Variants in EXOC2 observed in about 807,000 individuals in gnomAD.
EXOC2 encodes the protein exocyst complex component 2.
A neutral mutation model predicts 131.8 loss-of-function variants in EXOC2; 70 were observed. The observed-to-expected ratio is 0.53, with a 90% CI of 0.44 to 0.65. The LOEUF is 0.65. Among genes scored for constraint, EXOC2 ranks in the 30% least tolerant of loss-of-function variants. The pLI is 0.00. For missense variants in EXOC2, 923 were observed against 1,108.6 expected (o/e 0.83, Z 2.38); for synonymous variants, 411 against 398.4 (o/e 1.03, Z -0.38).
At chr6:547,459 G>A (rs1442086484) in intron 22 of EXOC2, among the ~76,000 whole-genome samples, 1 of 152,170 alleles carries the variant, frequency 6.6e-6, no homozygotes, top group Admixed American at 6.5e-5. Context: ...AACAGAGAGG[G>A]AATGAATAAG....
chr6:628,558 C>A (rs1210128759), intron 4 of EXOC2, among the ~76,000 whole-genome samples: 20 of 152,132 alleles, frequency 1.3e-4, no homozygotes, highest in Admixed American at 1.3e-3. Flanking sequence ...TCTGAATGAA[C>A]CCTAACTGAT....
At chr6:532,863 C>T (rs1376468663) in intron 22 of EXOC2, among the ~76,000 whole-genome samples, 1 of 152,038 alleles carries the variant, frequency 6.6e-6, no homozygotes. Flanking sequence ...TAAAGAACTG[C>T]CCAAGATTAG....
chr6:573,488 G>A (rs569389857), intron 12 of EXOC2, among the ~76,000 whole-genome samples: 120 of 152,190 alleles, frequency 7.9e-4, no homozygotes, highest in African/African-American at 2.6e-3. Context: ...CAATGACGCC[G>A]CGGATCAGGC....
At chr6:599,825 AAAG>A (rs1262157699) in intron 7 of EXOC2, among the ~76,000 whole-genome samples, 2 of 152,104 alleles carry the variant, frequency 1.3e-5, no homozygotes, top group Non-Finnish European at 2.9e-5. Context: ...TAATCTTATA[AAAG>A]TATACATGAG....
intron 4 of EXOC2, among the ~76,000 whole-genome samples, chr6:626,908 T>A (rs1328068011): frequency 6.6e-6 from 1 of 152,180 alleles, no homozygotes; most frequent in East Asian, 1.9e-4. Context: ...CTTTTTTAAG[T>A]ATGTTTCCAC....
chr6:486,345 T>C lies in EXOC2; in HGVS notation c.*326A>G. 1 of 245,334 alleles carries C rather than the reference T, an allele frequency of 4.1e-6. No homozygotes were observed. The highest frequency in any genetic ancestry group is 7.5e-5 in the South Asian group (1 of 13,304). 15.2% of individuals were successfully genotyped at this position (245,334 alleles called of 1,614,324 possible). A position where few individuals can be genotyped will look rare whatever the true frequency, so the allele number is the denominator to read the frequency against. On this transcript the variant is annotated 3_prime_UTR_variant, in exon 28 of 28. Coordinates refer to ENST00000230449, the MANE Select transcript of EXOC2 (RefSeq NM_018303.6). ...GGACACTGAGAAATGCTTCAATATG[T>C]GCCACGCCATTCCAGAAAACTCCCT...
At chr6:665,633 C>T (rs973749204) in intron 1 of EXOC2, among the ~76,000 whole-genome samples, 9 of 152,068 alleles carry the variant, frequency 5.9e-5, no homozygotes, top group African/African-American at 1.4e-4. Flanking sequence ...TTTGCAGTGA[C>T]GTGGATGAGA....
At chr6:668,882 T>C (rs1763733584) in intron 1 of EXOC2, among the ~76,000 whole-genome samples, 1 of 152,248 alleles carries the variant, frequency 6.6e-6, no homozygotes, top group Non-Finnish European at 1.5e-5. Flanking sequence ...TTTGTTGTTT[T>C]TTTATTGCTG....
At chr6:630,081 A>C in intron 3 of EXOC2, 120 bp from the exon 4 acceptor site, 1 of 1,236,442 alleles carries the variant, frequency 8.1e-7, no homozygotes, top group South Asian at 1.9e-5. Context: ...ATAATCTTTA[A>C]GAGATTTGAG....
intron 7 of EXOC2, among the ~76,000 whole-genome samples, chr6:602,564 C>G (rs2127647297): frequency 6.6e-6 from 1 of 152,338 alleles, no homozygotes; most frequent in Non-Finnish European, 1.5e-5. Flanking sequence ...TGTCCAACCA[C>G]AGAACAAGTC....
chr6:605,543 G>C (rs1401426740), intron 7 of EXOC2, among the ~76,000 whole-genome samples: 1 of 152,136 alleles, frequency 6.6e-6, no homozygotes, highest in Non-Finnish European at 1.5e-5. Flanking sequence ...GGGATCGGTG[G>C]TGATATCCCC....
chr6:525,043 T>G (rs1014862831), intron 23 of EXOC2: 6 of 152,272 alleles, frequency 3.9e-5, no homozygotes, highest in Non-Finnish European at 7.3e-5. Context: ...GGCTCTCCAG[T>G]GCTTCTCACA....
At chr6:511,729 G>T (rs975596067) in intron 23 of EXOC2, among the ~76,000 whole-genome samples, 3 of 152,262 alleles carry the variant, frequency 2.0e-5, no homozygotes, top group Non-Finnish European at 4.4e-5. Flanking sequence ...GAGGCCCACA[G>T]GCTCAGGGCA....
In EXOC2 at chr6:485,585, C is replaced by CAGTTGGGTGGG. The variant is rs1561761066; in HGVS notation, c.*1085_*1086insCCCACCCAACT. On this transcript the variant is annotated 3_prime_UTR_variant, in exon 28 of 28. Coordinates refer to ENST00000230449, the MANE Select transcript of EXOC2 (RefSeq NM_018303.6). ...CGACGGTATGAGGGAGTTGGGTGGG[C>CAGTTGGGTGGG]CGCTGACTCTGAGAGAAGTCCCGGT... is the stretch of plus-strand genomic sequence containing the variant. The CAGTTGGGTGGG allele has an allele frequency of 1.3e-4, 20 of 152,232 alleles. No individual in the cohort carries two copies. Among genetic ancestry groups the CAGTTGGGTGGG allele is most frequent in the Non-Finnish European group, 2.5e-4 (17 of 68,050 alleles). 9.4% of individuals were successfully genotyped at this position (152,232 alleles called of 1,614,324 possible). A position where few individuals can be genotyped will look rare whatever the true frequency, so the allele number is the denominator to read the frequency against.
intron 12 of EXOC2, among the ~76,000 whole-genome samples, chr6:573,995 T>C (rs1466254238): frequency 6.6e-6 from 1 of 152,238 alleles, no homozygotes; most frequent in Non-Finnish European, 1.5e-5. Flanking sequence ...CTTTTGAAGC[T>C]TGGCTTCTTC....
In EXOC2 at chr6:485,208, A is replaced by T. The variant is rs555785396; in HGVS notation, c.*1463T>A. Reference sequence around the variant, plus strand: ...TGCTGTAGTAGATATTTAAAATATCACAAACATTCATGATTGCAGTTTTTA... The same window carrying T: ...TGCTGTAGTAGATATTTAAAATATCTCAAACATTCATGATTGCAGTTTTTA... On this transcript the variant is annotated 3_prime_UTR_variant, in exon 28 of 28. Transcript: ENST00000230449. 2.7e-4 allele frequency: 41 copies of T among 152,382 alleles called. No individual in the cohort carries two copies. The highest frequency in any genetic ancestry group is 9.6e-4 in the African/African-American group (40 of 41,600). The allele number at this position is 152,382 out of a possible 1,614,324, so 9.4% of individuals were successfully genotyped here. A position where few individuals can be genotyped will look rare whatever the true frequency, so the allele number is the denominator to read the frequency against.
rs192257165 is a variant in EXOC2 at position 656,380 on chromosome 6, T to C, written c.-43-18519A>G. ...ACCTCCGTCTCTATACTCAGGGTCA[T>C]CCTGCCACTGAGGTTTGCTTCCACC... On this transcript the variant is annotated intron_variant, in intron 1 of 27. Coordinates refer to ENST00000230449, the MANE Select transcript of EXOC2 (RefSeq NM_018303.6). 1,689 of 1,614,168 alleles carry C rather than the reference T, an allele frequency of 1.0e-3. 2 individuals are homozygous for C. Among genetic ancestry groups the C allele is most frequent in the Middle Eastern group, 1.8e-3 (11 of 6,062 alleles).
chr6:598,027 T>C lies in EXOC2; in HGVS notation c.1067A>G (p.Tyr356Cys). The C allele has an allele frequency of 6.2e-7, 1 of 1,611,016 alleles. No homozygotes were observed. Among genetic ancestry groups the C allele is most frequent in the Non-Finnish European group, 8.5e-7 (1 of 1,177,506 alleles). Residue 356 changes from tyrosine (Y) to cysteine (C), a missense_variant, in exon 10 of 28, where the codon TAC (tyrosine) becomes TGC (cysteine). Transcript: ENST00000230449. ...TPSTLHDQKR[Y>C]IRYLSDLHAS... ...ATGTTTGCAGAAGATTTACCTTATG[T>C]AACGTTTTTGGTCATGTAAAGTTGA...
chr6:506,472 T>C lies in EXOC2; in HGVS notation c.2381-6772A>G, dbSNP rs570304827. On this transcript the variant is annotated intron_variant, in intron 23 of 27. Transcript: ENST00000230449. The surrounding 1 kb of genome is among the most constrained non-coding windows in gnomAD (Gnocchi z 4.4). ...TCCTTGGAGTTAAAGGCTACATTAT[T>C]ATGCTGCAGTAATAAGTACTGTTTT... Among the ~76,000 whole-genome samples, 1 of 152,332 alleles carries C rather than the reference T, an allele frequency of 6.6e-6. No homozygotes were observed. Among genetic ancestry groups the C allele is most frequent in the Non-Finnish European group, 1.5e-5 (1 of 68,026 alleles).
Sources: allele counts gnomAD v4.1 joint callset (sites outside exome capture counted in the v4.1 genomes callset), GRCh38; gene constraint gnomAD v4.1.1; non-coding constraint Gnocchi (gnomAD v3.1); transcripts MANE v1.5; gene names NCBI Gene and HGNC (gene_info 2026-07-23, HGNC 2026-07-21).